The following CELF2 variants were observed in gnomAD, a reference collection of about 807,000 sequenced individuals.
CELF2 encodes the protein CUGBP Elav-like family member 2, also known as CUG triplet repeat RNA-binding protein 2.
A neutral mutation model predicts 62.6 loss-of-function variants in CELF2; 8 were observed. That is an observed-to-expected ratio of 0.13 (90% confidence interval 0.07 to 0.23). The LOEUF is 0.23. Among genes scored for constraint, CELF2 ranks in the 10% least tolerant of loss-of-function variants. The probability of loss-of-function intolerance (pLI) is 1.00; values close to 1 mark genes in which losing one functional copy is unlikely to be tolerated. For missense variants in CELF2, 333 were observed against 671.0 expected, an observed-to-expected ratio of 0.50 and a Z score of 5.56; for synonymous variants, 258 against 250.0, an observed-to-expected ratio of 1.03 and a Z score of -0.30.
the CELF2 span, among the ~76,000 whole-genome samples, chr10:10,735,974 C>A: frequency 6.6e-6 from 1 of 152,158 alleles, no homozygotes; most frequent in African/African-American, 2.4e-5. Context: ...CAATGAATCA[C>A]CCTGCACTAA....
At chr10:11,272,589 T>C (rs138392015) in intron 7 of CELF2, among the ~76,000 whole-genome samples, 64 of 152,364 alleles carry the variant, frequency 4.2e-4, no homozygotes, top group African/African-American at 1.3e-3. Flanking sequence ...GGACCACATC[T>C]GCAAATTGTT....
rs2083036140 is a variant in CELF2, at chr10:11,269,235, T to G, written c.619-1431T>G. Among the ~76,000 whole-genome samples, 1 of 152,220 alleles carries G rather than the reference T, an allele frequency of 6.6e-6. No homozygotes were observed. The highest frequency in any genetic ancestry group is 2.4e-5 in the African/African-American group (1 of 41,446). ...TTTTAAATGATGGAAATACTATTTT[T>G]GTGCAATTTACTGACATTTAACATT... On this transcript the variant is annotated intron_variant, in intron 6 of 12. Coordinates refer to ENST00000633077, the MANE Select transcript of CELF2 (RefSeq NM_001326342.2). This position sits in a 1 kb window ranked among gnomAD's most constrained non-coding sequence, Gnocchi z 4.4.
intron 1 of CELF2, among the ~76,000 whole-genome samples, chr10:10,845,543 C>G (rs1365867863): frequency 3.9e-5 from 6 of 152,072 alleles, no homozygotes; most frequent in African/African-American, 1.4e-4. Context: ...AAGAAAAAGA[C>G]AGTATCTGTG....
intron 1 of CELF2, among the ~76,000 whole-genome samples, chr10:11,120,629 C>T (rs771430702): frequency 1.3e-5 from 2 of 152,138 alleles, no homozygotes; most frequent in Non-Finnish European, 2.9e-5. Flanking sequence ...CAAGGAGAAT[C>T]TAGGACAACT....
At chr10:11,086,995 C>T (rs1018513466) in intron 1 of CELF2, among the ~76,000 whole-genome samples, 1 of 152,098 alleles carries the variant, frequency 6.6e-6, no homozygotes, top group Non-Finnish European at 1.5e-5. Context: ...TGTGTGCCAC[C>T]CTGTCACTGT....
chr10:11,116,068 C>A (rs554847479), intron 1 of CELF2, among the ~76,000 whole-genome samples: 149 of 152,264 alleles, frequency 9.8e-4, no homozygotes, highest in Non-Finnish European at 1.8e-3. Flanking sequence ...TAAAAATGGC[C>A]TTAATCCTGT....
intron 3 of CELF2, among the ~76,000 whole-genome samples, chr10:11,234,967 C>T (rs1473112175): frequency 6.6e-6 from 1 of 152,170 alleles, no homozygotes; most frequent in Non-Finnish European, 1.5e-5. Flanking sequence ...TCAGTCCTCA[C>T]AATGATGCAG....
chr10:11,203,625 G>A lies in CELF2; in HGVS notation c.272-13800G>A, dbSNP rs114199594. The stretch of plus-strand genomic sequence containing the variant: ...CATGCCTCCACTTCTTTAACTGGAA[G>A]CAAGAACTTAAACCAGATGGTTAAG... On this transcript the variant is annotated intron_variant, in intron 2 of 12. Coordinates refer to ENST00000633077, the MANE Select transcript of CELF2 (RefSeq NM_001326342.2). Among the ~76,000 whole-genome samples, 222 of 152,264 alleles carry A rather than the reference G, an allele frequency of 1.5e-3. 2 individuals are homozygous for A. Among genetic ancestry groups the A allele is most frequent in the African/African-American group, 4.9e-3 (205 of 41,546 alleles).
At chr10:10,518,499 G>A in the CELF2 span, among the ~76,000 whole-genome samples, 1 of 152,132 alleles carries the variant, frequency 6.6e-6, no homozygotes. Flanking sequence ...AGTGAAATGG[G>A]ATCTTTAGTA....
rs998886508 is a variant in CELF2, at chr10:11,330,054, G to A, written c.*1001G>A. On this transcript the variant is annotated 3_prime_UTR_variant, in exon 13 of 13. Transcript: ENST00000633077. This position sits in a 1 kb window ranked among gnomAD's most constrained non-coding sequence, Gnocchi z 4.5. ...CTCTAGAGGAATTGTTCTAGGAATG[G>A]GCTTTTTTTCACCGTTGAACCCTAG... The A allele has an allele frequency of 2.6e-5, 4 of 152,532 alleles. No individual in the cohort carries two copies. The highest frequency in any genetic ancestry group is 5.9e-5 in the Non-Finnish European group (4 of 68,016). The allele number at this position is 152,532 out of a possible 1,614,324, so 9.4% of individuals were successfully genotyped here. A position where few individuals can be genotyped will look rare whatever the true frequency, so the allele number is the denominator to read the frequency against.
chr10:10,971,908 C>G (rs2050794916), intron 2 of CELF2, among the ~76,000 whole-genome samples: 1 of 152,102 alleles, frequency 6.6e-6, no homozygotes, highest in Non-Finnish European at 1.5e-5. Flanking sequence ...TTCACATCTT[C>G]TTTTCTTTTT....
chr10:10,540,883 C>T, the CELF2 span, among the ~76,000 whole-genome samples: 1 of 152,092 alleles, frequency 6.6e-6, no homozygotes, highest in African/African-American at 2.4e-5. Context: ...TGACTGTCAG[C>T]CCCCAAAAAG....
intron 1 of CELF2, among the ~76,000 whole-genome samples, chr10:11,031,652 T>C (rs1326966989): frequency 1.3e-5 from 2 of 152,222 alleles, no homozygotes; most frequent in African/African-American, 4.8e-5. Context: ...TGTGTGCTTA[T>C]TGTATTCTTG....
intron 2 of CELF2, among the ~76,000 whole-genome samples, chr10:11,208,925 G>A (rs377255940): frequency 6.6e-6 from 1 of 152,172 alleles, no homozygotes; most frequent in African/African-American, 2.4e-5. Context: ...CACAGGAAAG[G>A]CAAAGGCATG....
At chr10:11,083,644 G>A (rs1009345307) in intron 1 of CELF2, among the ~76,000 whole-genome samples, 2 of 152,094 alleles carry the variant, frequency 1.3e-5, no homozygotes, top group Non-Finnish European at 2.9e-5. Flanking sequence ...TCCTGCAATG[G>A]GTGATGCATG....
chr10:10,612,718 C>T, the CELF2 span, among the ~76,000 whole-genome samples: 10 of 152,148 alleles, frequency 6.6e-5, no homozygotes, highest in African/African-American at 1.9e-4. Context: ...TGTATTCCTT[C>T]GGGAGCTCCT....
At position 10,928,436 on chromosome 10, in the gene CELF2, C is replaced by T. The variant is rs1259872413; in HGVS notation, c.89+8437C>T. ...CTCTCTACCACTTGTTCTTCTAGAT[C>T]CGGATTTTGCAAACTACAGCCCACA... On this transcript the variant is annotated intron_variant, in intron 2 of 13. Coordinates refer to the CELF2 transcript ENST00000636488. The surrounding 1 kb of genome is among the most constrained non-coding windows in gnomAD (Gnocchi z 4.8). Among the ~76,000 whole-genome samples, 1 of 152,160 alleles carries T rather than the reference C, an allele frequency of 6.6e-6. No homozygotes were observed. Among genetic ancestry groups the T allele is most frequent in the Non-Finnish European group, 1.5e-5 (1 of 68,036 alleles).
intron 1 of CELF2, among the ~76,000 whole-genome samples, chr10:10,911,401 T>TC: frequency 6.6e-6 from 1 of 152,318 alleles, no homozygotes; most frequent in East Asian, 1.9e-4. Flanking sequence ...GCAAGGACTC[T>TC]CAACAGGACT....
At chr10:10,766,672 C>A in the CELF2 span, among the ~76,000 whole-genome samples, 4 of 152,184 alleles carry the variant, frequency 2.6e-5, no homozygotes, top group Admixed American at 6.5e-5. Flanking sequence ...AACTTTCACC[C>A]CTGCCACCAT....
Sources: allele counts gnomAD v4.1 joint callset (sites outside exome capture counted in the v4.1 genomes callset), GRCh38; gene constraint gnomAD v4.1.1; non-coding constraint Gnocchi (gnomAD v3.1); transcripts MANE v1.5; gene names NCBI Gene and HGNC (gene_info 2026-07-23, HGNC 2026-07-21).